UBOX5: variants seen among roughly 807,000 people sequenced by gnomAD.
The protein encoded by UBOX5 is RING finger protein 37.
A neutral mutation model predicts 39.0 loss-of-function variants in UBOX5; 28 were observed. The ratio of observed to expected loss-of-function variants is 0.72; its 90% confidence interval spans 0.53 to 0.98. UBOX5 has a LOEUF of 0.98. UBOX5 is among the 50% of genes least tolerant of loss of function. The pLI is 0.00. For missense variants in UBOX5, 585 were observed against 674.4 expected (o/e 0.87, Z 1.47); for synonymous variants, 283 against 275.5 (o/e 1.03, Z -0.27).
Position 3,121,802 on chromosome 20 carries a change from G to A in UBOX5, c.837C>T (p.Pro279=). The part of the protein sequence containing the change: ...LEIMPCPMLL[P]SGKVIDQSTL... ...TGCTCTGGTCGATGACCTTGCCTGA[G>A]GGCAGCAGCATGGGACAAGGCATGA... Residue 279 remains proline, a synonymous_variant, in exon 3 of 5, where the codon CCC becomes CCT. Transcript: ENST00000217173. 6.2e-7 allele frequency: 1 copy of A among 1,614,148 alleles called. No homozygotes were observed. The highest frequency in any genetic ancestry group is 1.1e-5 in the South Asian group (1 of 91,086).
At chr20:3,155,485 C>T (rs888410504) in intron 1 of UBOX5, among the ~76,000 whole-genome samples, 3 of 152,004 alleles carry the variant, frequency 2.0e-5, no homozygotes, top group East Asian at 1.9e-4. Context: ...GAGGCGAGGT[C>T]GCACCACTGC....
chr20:3,131,885 G>A (rs1458727048), intron 1 of UBOX5, among the ~76,000 whole-genome samples: 1 of 151,788 alleles, frequency 6.6e-6, no homozygotes, highest in Non-Finnish European at 1.5e-5. Context: ...GCGGGCACCT[G>A]TAATCCCAGC....
At chr20:3,148,994 C>T (rs201827432) in intron 1 of UBOX5, 20 of 1,614,186 alleles carry the variant, frequency 1.2e-5, no homozygotes, top group East Asian at 6.7e-5. Context: ...TGACACACTT[C>T]GGACTGCACC....
Position 3,110,926 on chromosome 20 carries a change from G to A in UBOX5, c.1418-612C>T, listed in dbSNP as rs137946693. On this transcript the variant is annotated intron_variant, in intron 4 of 4. Coordinates refer to ENST00000217173, the MANE Select transcript of UBOX5 (RefSeq NM_014948.4). ...GAGAAGGGAGGTCAGCAGAGACAAG[G>A]CTGAGGCCTGCAGTGCACCTGCCAC... Among the ~76,000 whole-genome samples, 1,171 of 151,978 alleles carry A rather than the reference G, an allele frequency of 7.7e-3. 22 individuals are homozygous for A. The highest frequency in any genetic ancestry group is 0.027 in the African/African-American group (1,102 of 41,444).
chr20:3,117,822 T>C (rs1309774462), intron 3 of UBOX5, among the ~76,000 whole-genome samples: 1 of 151,696 alleles, frequency 6.6e-6, no homozygotes, highest in Non-Finnish European at 1.5e-5. Flanking sequence ...CGAAACCCCA[T>C]CTCTACTACA....
At chr20:3,141,678 C>T (rs895375189) in intron 1 of UBOX5, among the ~76,000 whole-genome samples, 5 of 151,652 alleles carry the variant, frequency 3.3e-5, no homozygotes, top group Non-Finnish European at 5.9e-5. Context: ...TAAAAAATAA[C>T]TTCCTCAACA....
chr20:3,154,791 CAAA>C (rs2122127344), intron 1 of UBOX5, among the ~76,000 whole-genome samples: 1 of 151,700 alleles, frequency 6.6e-6, no homozygotes, highest in South Asian at 2.1e-4. Flanking sequence ...TTAGCCTAAC[CAAA>C]AATTATGAGC....
intron 1 of UBOX5, among the ~76,000 whole-genome samples, chr20:3,133,126 G>A (rs2066442794): frequency 1.3e-5 from 2 of 152,112 alleles, no homozygotes; most frequent in Admixed American, 6.6e-5. Flanking sequence ...CAAATGATAT[G>A]TTTCTGTGGG....
chr20:3,134,030 TA>T (rs1430384474), intron 1 of UBOX5, among the ~76,000 whole-genome samples: 9 of 152,248 alleles, frequency 5.9e-5, no homozygotes, highest in Admixed American at 4.6e-4. Flanking sequence ...GTGCTGAGAT[TA>T]CAGGTGTGAG....
chr20:3,157,852 C>T (rs368296455), intron 1 of UBOX5, among the ~76,000 whole-genome samples: 3 of 152,088 alleles, frequency 2.0e-5, no homozygotes, highest in Admixed American at 6.6e-5. Context: ...TGTATAGAGG[C>T]TGTATAGTAC....
chr20:3,110,562 C>T (rs2066245899), intron 4 of UBOX5: 1 of 531,106 alleles, frequency 1.9e-6, no homozygotes, highest in Non-Finnish European at 3.4e-6. Flanking sequence ...GAGCTGGCTT[C>T]TGAGGGCAGC....
intron 4 of UBOX5, among the ~76,000 whole-genome samples, chr20:3,111,311 C>T (rs1273669409): frequency 6.6e-6 from 1 of 152,146 alleles, no homozygotes; most frequent in East Asian, 1.9e-4. Context: ...TCTTAACCCC[C>T]CTTCTCTCTG....
intron 1 of UBOX5, among the ~76,000 whole-genome samples, chr20:3,140,122 A>T (rs1309338951): frequency 1.4e-5 from 2 of 147,936 alleles, no homozygotes; most frequent in African/African-American, 2.5e-5. Context: ...CCTGGGCTCA[A>T]GCGATTGTCC....
In UBOX5 at chr20:3,123,376, G is replaced by C. The variant is rs751024948; in HGVS notation, c.-11C>G. The C allele has an allele frequency of 1.9e-6, 3 of 1,613,550 alleles. No individual in the cohort carries two copies. The African/African-American group carries it at 4.0e-5, about 22-fold the overall frequency. On this transcript the variant is annotated 5_prime_UTR_variant, in exon 2 of 5. Coordinates refer to ENST00000217173, the MANE Select transcript of UBOX5 (RefSeq NM_014948.4). The stretch of plus-strand genomic sequence containing the variant: ...AAGATTTATTACCATCTTTGTGGCT[G>C]AGAGGATATCTTCCAAGCATCAGAA...
At chr20:3,147,453 C>T (rs1199022079) in intron 1 of UBOX5, 1 of 1,614,190 alleles carries the variant, frequency 6.2e-7, no homozygotes, top group East Asian at 2.2e-5. Context: ...TCAGACCCCT[C>T]TTGCTGAAGG....
At chr20:3,114,726 G>A (rs1490554827) in intron 4 of UBOX5, among the ~76,000 whole-genome samples, 1 of 152,170 alleles carries the variant, frequency 6.6e-6, no homozygotes, top group Non-Finnish European at 1.5e-5. Context: ...GAGGCGGGCG[G>A]ATCACGAGGT....
chr20:3,148,326 C>G (rs2066589984), intron 1 of UBOX5: 3 of 1,613,900 alleles, frequency 1.9e-6, no homozygotes, highest in Admixed American at 1.7e-5. Flanking sequence ...CTCCAGAGAT[C>G]AGCCACCAAA....
chr20:3,116,249 C>T (rs1487027996), intron 3 of UBOX5, among the ~76,000 whole-genome samples: 2 of 152,202 alleles, frequency 1.3e-5, no homozygotes, highest in South Asian at 4.1e-4. Context: ...TGTCCTCTCT[C>T]TCCTGTTAAG....
intron 1 of UBOX5, among the ~76,000 whole-genome samples, chr20:3,158,561 C>T (rs1345972778): frequency 6.6e-6 from 1 of 152,166 alleles, no homozygotes; most frequent in Non-Finnish European, 1.5e-5. Context: ...GCACACTCCG[C>T]CTCCCGGGGT....
Sources: allele counts gnomAD v4.1 joint callset (sites outside exome capture counted in the v4.1 genomes callset), GRCh38; gene constraint gnomAD v4.1.1; transcripts MANE v1.5; gene names NCBI Gene and HGNC (gene_info 2026-07-23, HGNC 2026-07-21).